DRC11: variants seen among roughly 807,000 people sequenced by gnomAD.
DRC11 encodes the protein dynein regulatory complex subunit 11, also known as IQ and AAA domain-containing protein 1.
chr2:236,349,401 A>AT, the DRC11 span, among the ~76,000 whole-genome samples: 1 of 152,222 alleles, frequency 6.6e-6, no homozygotes, highest in African/African-American at 2.4e-5. The surrounding 1 kb of genome is among the most constrained non-coding windows in gnomAD (Gnocchi z 5.5). Context: ...GCAAGATCTT[A>AT]TTTTTTTTCA....
the DRC11 span, among the ~76,000 whole-genome samples, chr2:236,417,060 G>T: frequency 6.6e-6 from 1 of 150,994 alleles, no homozygotes; most frequent in Non-Finnish European, 1.5e-5. Context: ...AGTAGAGATG[G>T]GGTTTCACCA....
chr2:236,407,462 GC>G, the DRC11 span, among the ~76,000 whole-genome samples: 1 of 152,056 alleles, frequency 6.6e-6, no homozygotes, highest in Non-Finnish European at 1.5e-5. Flanking sequence ...CTCTCCTGGG[GC>G]CCCCTCTTGT....
At chr2:236,350,549 T>A in the DRC11 span, among the ~76,000 whole-genome samples, 1 of 152,166 alleles carries the variant, frequency 6.6e-6, no homozygotes, top group African/African-American at 2.4e-5. This position sits in a 1 kb window ranked among gnomAD's most constrained non-coding sequence, Gnocchi z 5.2. Context: ...CCAGCGGCTC[T>A]CCCCTTTCAC....
chr2:236,318,858 AC>A, the DRC11 span, among the ~76,000 whole-genome samples: 1 of 152,012 alleles, frequency 6.6e-6, no homozygotes, highest in African/African-American at 2.4e-5. The surrounding 1 kb of genome is among the most constrained non-coding windows in gnomAD (Gnocchi z 7.0). Flanking sequence ...TCTTGACAGC[AC>A]CCGGCTCATC....
chr2:236,391,861 G>A, the DRC11 span: 19 of 794,262 alleles, frequency 2.4e-5, no homozygotes, highest in East Asian at 1.2e-4. This position sits in a 1 kb window ranked among gnomAD's most constrained non-coding sequence, Gnocchi z 4.5. Context: ...ATGTTTCCCC[G>A]TGAGGTGTCC....
At chr2:236,353,380 C>T in the DRC11 span, among the ~76,000 whole-genome samples, 1 of 152,200 alleles carries the variant, frequency 6.6e-6, no homozygotes, top group African/African-American at 2.4e-5. This position sits in a 1 kb window ranked among gnomAD's most constrained non-coding sequence, Gnocchi z 5.0. Context: ...TATCCACATG[C>T]ATTTTATGGG....
At chr2:236,441,488 G>A in the DRC11 span, among the ~76,000 whole-genome samples, 9 of 151,858 alleles carry the variant, frequency 5.9e-5, no homozygotes, top group Admixed American at 3.9e-4. Context: ...CAAACTAAAC[G>A]AAGGATGGAG....
At chr2:236,331,405 A>T in the DRC11 span, 5 of 1,613,956 alleles carry the variant, frequency 3.1e-6, no homozygotes, top group South Asian at 5.5e-5. The surrounding 1 kb of genome is among the most constrained non-coding windows in gnomAD (Gnocchi z 4.8). Context: ...CATGCTGGTT[A>T]TCGCCGTAAT....
chr2:236,383,676 T>A, the DRC11 span, among the ~76,000 whole-genome samples: 26,056 of 151,094 alleles, frequency 0.17, 2,504 homozygotes, highest in Non-Finnish European at 0.22. Context: ...CTTTTTTTTT[T>A]ATTATACTTT....
the DRC11 span, among the ~76,000 whole-genome samples, chr2:236,313,645 T>C: frequency 6.6e-6 from 1 of 152,132 alleles, no homozygotes; most frequent in East Asian, 1.9e-4. This position sits in a 1 kb window ranked among gnomAD's most constrained non-coding sequence, Gnocchi z 4.5. Context: ...CAGCTAAAAA[T>C]TGGAATGAGC....
the DRC11 span, among the ~76,000 whole-genome samples, chr2:236,504,490 T>C: frequency 6.6e-6 from 1 of 152,320 alleles, no homozygotes; most frequent in South Asian, 2.1e-4. The surrounding 1 kb of genome is among the most constrained non-coding windows in gnomAD (Gnocchi z 5.0). Context: ...AAAAGTGCTC[T>C]ACATTTAAAA....
chr2:236,476,831 C>T, the DRC11 span, among the ~76,000 whole-genome samples: 1 of 151,972 alleles, frequency 6.6e-6, no homozygotes, highest in African/African-American at 2.4e-5. This position sits in a 1 kb window ranked among gnomAD's most constrained non-coding sequence, Gnocchi z 4.7. Context: ...GTTTGCTGCA[C>T]CTATCAACCC....
At chr2:236,433,587 T>C in the DRC11 span, among the ~76,000 whole-genome samples, 53 of 152,358 alleles carry the variant, frequency 3.5e-4, no homozygotes, top group African/African-American at 1.2e-3. Flanking sequence ...TGCATGTTAA[T>C]TTTGTAATCC....
the DRC11 span, among the ~76,000 whole-genome samples, chr2:236,504,527 T>A: frequency 6.6e-6 from 1 of 152,176 alleles, no homozygotes; most frequent in African/African-American, 2.4e-5. This position sits in a 1 kb window ranked among gnomAD's most constrained non-coding sequence, Gnocchi z 5.0. Context: ...GAGCAGCTCA[T>A]CCCTGGAGGT....
chr2:236,457,719 G>T, the DRC11 span, among the ~76,000 whole-genome samples: 1 of 152,204 alleles, frequency 6.6e-6, no homozygotes, highest in African/African-American at 2.4e-5. This position sits in a 1 kb window ranked among gnomAD's most constrained non-coding sequence, Gnocchi z 4.7. Flanking sequence ...AGAGGACAAG[G>T]TGATGTGACC....
chr2:236,490,171 C>G, the DRC11 span, among the ~76,000 whole-genome samples: 1 of 152,306 alleles, frequency 6.6e-6, no homozygotes, highest in South Asian at 2.1e-4. This position sits in a 1 kb window ranked among gnomAD's most constrained non-coding sequence, Gnocchi z 5.5. Context: ...TACTGAGAAC[C>G]TGCAGATGTC....
the DRC11 span, chr2:236,331,295 A>G: frequency 8.6e-7 from 1 of 1,167,890 alleles, no homozygotes; most frequent in East Asian, 2.4e-5. This position sits in a 1 kb window ranked among gnomAD's most constrained non-coding sequence, Gnocchi z 4.8. Flanking sequence ...ACGGAACTGC[A>G]GAGGGAGGAG....
At chr2:236,317,991 ACACCGGTCT>A in the DRC11 span, among the ~76,000 whole-genome samples, 1 of 152,216 alleles carries the variant, frequency 6.6e-6, no homozygotes, top group Non-Finnish European at 1.5e-5. The surrounding 1 kb of genome is among the most constrained non-coding windows in gnomAD (Gnocchi z 5.4). Flanking sequence ...TCCCAGGCAG[ACACCGGTCT>A]CACGGTGCGG....
At chr2:236,507,168 A>G in the DRC11 span, 1 of 1,411,570 alleles carries the variant, frequency 7.1e-7, no homozygotes, top group East Asian at 2.3e-5. Context: ...AAAAGAAAAG[A>G]AAAAAGAAAA....
Sources: allele counts gnomAD v4.1 joint callset (sites outside exome capture counted in the v4.1 genomes callset), GRCh38; gene constraint gnomAD v4.1.1; non-coding constraint Gnocchi (gnomAD v3.1); transcripts MANE v1.5; gene names NCBI Gene and HGNC (gene_info 2026-07-23, HGNC 2026-07-21).